The following DNAH5 variants were observed in gnomAD, a reference collection of about 807,000 sequenced individuals.
The protein encoded by DNAH5 is dynein axonemal heavy chain 5.
DNAH5 carries 372 observed loss-of-function variants against 518.2 expected under a neutral mutation model. The observed-to-expected ratio is 0.72, with a 90% CI of 0.66 to 0.78. The LOEUF is 0.78. DNAH5 is among the 30% of genes least tolerant of loss of function. DNAH5 has a pLI of 0.00. For missense variants in DNAH5, 5,523 were observed against 5,687.0 expected (o/e 0.97, Z 0.93); for synonymous variants, 2,039 against 2,025.9 (o/e 1.01, Z -0.17).
At chr5:13,801,582 C>T (rs900703160) in intron 47 of DNAH5, among the ~76,000 whole-genome samples, 4 of 152,200 alleles carry the variant, frequency 2.6e-5, no homozygotes, top group African/African-American at 7.2e-5. Flanking sequence ...TCCAGCCCAA[C>T]CTCCCTCCTG....
At chr5:13,807,021 A>C (rs1172841909) in intron 47 of DNAH5, among the ~76,000 whole-genome samples, 2 of 152,214 alleles carry the variant, frequency 1.3e-5, no homozygotes, top group African/African-American at 4.8e-5. Context: ...AGAGAATTCA[A>C]CTTGAACCAA....
rs546978080 is a variant in DNAH5, at chr5:13,707,070, C to A, written c.13338+1053G>T. Among the ~76,000 whole-genome samples the A allele has an allele frequency of 6.6e-6, 1 of 152,202 alleles. No homozygotes were observed. Among genetic ancestry groups the A allele is most frequent in the African/African-American group, 2.4e-5 (1 of 41,446 alleles). On this transcript the variant is annotated intron_variant, in intron 76 of 78. Coordinates refer to ENST00000265104, the MANE Select transcript of DNAH5 (RefSeq NM_001369.3). The surrounding 1 kb of genome is among the most constrained non-coding windows in gnomAD (Gnocchi z 4.0). The stretch of plus-strand genomic sequence containing the variant: ...CCCAAGGGACCATAGCGGGCACACA[C>A]ACAAGTGGCTGGATGTTGAGAGGAG...
In DNAH5 at chr5:13,717,450, G is replaced by T; in HGVS notation, c.12570C>A (p.Phe4190Leu). The T allele has an allele frequency of 6.2e-7, 1 of 1,614,184 alleles. No homozygotes were observed. Among genetic ancestry groups the T allele is most frequent in the Non-Finnish European group, 8.5e-7 (1 of 1,180,020 alleles). The change falls in exon 73 of 79, where the codon TTC becomes TTA. Residue 4190 changes from phenylalanine to leucine, a missense_variant. Transcript: ENST00000265104. Reference sequence around the variant, plus strand: ...GCCTCTCCTGGACAGTGGAGTGCAGGAAAGCCACTGCGTACAGCATGGGCT... The same window carrying T: ...GCCTCTCCTGGACAGTGGAGTGCAGTAAAGCCACTGCGTACAGCATGGGCT... ...QWKPMLYAVA[F>L]LHSTVQERRK...
At chr5:13,840,228 C>A (rs994071780) in intron 34 of DNAH5, among the ~76,000 whole-genome samples, 9 of 152,144 alleles carry the variant, frequency 5.9e-5, no homozygotes, top group Admixed American at 1.3e-4. Flanking sequence ...TATATCAGGA[C>A]CAATCTTTCA....
chr5:13,764,870 A>G (rs899933461), intron 59 of DNAH5, among the ~76,000 whole-genome samples: 6 of 152,252 alleles, frequency 3.9e-5, no homozygotes, highest in Admixed American at 2.6e-4. Flanking sequence ...ACAGGCTTGT[A>G]AAAAATGATT....
At chr5:13,885,839 A>G (rs1025355503) in intron 18 of DNAH5, 125 bp downstream of exon 18, 2 of 892,984 alleles carry the variant, frequency 2.2e-6, no homozygotes, top group East Asian at 2.5e-5. Context: ...AGATTTATAC[A>G]TATCATTAGA....
intron 17 of DNAH5, among the ~76,000 whole-genome samples, chr5:13,890,530 C>G (rs975557949): frequency 6.6e-6 from 1 of 152,148 alleles, no homozygotes; most frequent in African/African-American, 2.4e-5. Flanking sequence ...CTGCCTCTCT[C>G]AGGATTCCCA....
intron 35 of DNAH5, among the ~76,000 whole-genome samples, chr5:13,835,487 TCCCA>T (rs1350871120): frequency 6.6e-6 from 1 of 152,094 alleles, no homozygotes; most frequent in Non-Finnish European, 1.5e-5. Flanking sequence ...ACAGGGCAAT[TCCCA>T]CCCTCTTCTC....
At chr5:13,985,172 G>C (rs937871794) in intron 1 of DNAH5, among the ~76,000 whole-genome samples, 1 of 150,648 alleles carries the variant, frequency 6.6e-6, no homozygotes, top group Non-Finnish European at 1.5e-5. Context: ...GCAAACTATC[G>C]CAAGGACAAA....
At position 13,958,020 on chromosome 5, in the gene DNAH5, C is replaced by T. The variant is rs369162891; in HGVS notation, c.13-26776G>A. 1.4e-4 allele frequency among the ~76,000 whole-genome samples: 21 copies of T among 151,852 alleles called. No individual in the cohort carries two copies. The East Asian group carries it at 3.5e-3, about 25-fold the overall frequency. On this transcript the variant is annotated intron_variant, in intron 1 of 78. Coordinates refer to the DNAH5 transcript ENST00000681290. Reference sequence around the variant, plus strand: ...TTTAGTTTAAAATGTATCATGTACACATTCTCATATTATTGAATATTCTTC... The same window carrying T: ...TTTAGTTTAAAATGTATCATGTACATATTCTCATATTATTGAATATTCTTC...
chr5:13,933,323 G>T (rs750608662), intron 1 of DNAH5, among the ~76,000 whole-genome samples: 34 of 152,180 alleles, frequency 2.2e-4, no homozygotes, highest in Non-Finnish European at 4.0e-4. Context: ...CCAGCAGGTG[G>T]TATGTGCATT....
intron 42 of DNAH5, 56 bp from the exon 43 acceptor site, chr5:13,814,902 A>G (rs1761251592): frequency 1.0e-5 from 16 of 1,549,202 alleles, no homozygotes; most frequent in Middle Eastern, 1.7e-4. Context: ...CAGTGCATGT[A>G]CACATAAGTT....
At chr5:13,984,335 T>C (rs1367395022) in intron 1 of DNAH5, among the ~76,000 whole-genome samples, 2 of 152,240 alleles carry the variant, frequency 1.3e-5, no homozygotes, top group Admixed American at 1.3e-4. Context: ...TGTCTGTCTG[T>C]TATTGGTGTA....
intron 11 of DNAH5, among the ~76,000 whole-genome samples, chr5:13,913,105 C>G (rs1776216159): frequency 6.6e-6 from 1 of 151,818 alleles, no homozygotes; most frequent in African/African-American, 2.4e-5. Context: ...GTGTCACTGT[C>G]CCCCAAAAAA....
chr5:13,788,648 T>C, intron 51 of DNAH5, 68 bp downstream of exon 51: 2 of 1,338,250 alleles, frequency 1.5e-6, no homozygotes, highest in South Asian at 1.2e-5. Flanking sequence ...AAACTGAATC[T>C]TCTGTCTTCA....
chr5:13,710,608 T>C (rs1010130353), intron 75 of DNAH5, among the ~76,000 whole-genome samples: 2 of 152,052 alleles, frequency 1.3e-5, no homozygotes, highest in African/African-American at 2.4e-5. Flanking sequence ...ATAAAATAGA[T>C]AGACCATTAG....
chr5:13,973,039 A>G (rs1011669240), intron 1 of DNAH5, among the ~76,000 whole-genome samples: 4 of 152,214 alleles, frequency 2.6e-5, no homozygotes, highest in African/African-American at 9.6e-5. Context: ...GCAGATGTGA[A>G]TAGATTAAGG....
intron 61 of DNAH5, among the ~76,000 whole-genome samples, chr5:13,757,626 G>A (rs142980302): frequency 6.6e-6 from 1 of 152,094 alleles, no homozygotes; most frequent in African/African-American, 2.4e-5. Context: ...TAGAATGGGA[G>A]AAAATTATTG....
chr5:13,820,456 T>C lies in DNAH5; in HGVS notation c.6731A>G (p.Lys2244Arg). 1 of 1,614,118 alleles carries C rather than the reference T, an allele frequency of 6.2e-7. No individual in the cohort carries two copies. The highest frequency in any genetic ancestry group is 8.5e-7 in the Non-Finnish European group (1 of 1,180,034). ...GLINHPPWKLKVIQLFETQRV... is the reference protein window; with the variant it reads ...GLINHPPWKLRVIQLFETQRV... ...CTGCGTTTCGAATAGCTGGATGACC[T>C]TCAGTTTCCAAGGAGGATGGTTGAT... Residue 2244 changes from lysine to arginine, a missense_variant, in exon 41 of 79, where the codon AAG (lysine) becomes AGG (arginine). Lys to Arg is a conservative substitution (Grantham distance 26). Coordinates refer to ENST00000265104, the MANE Select transcript of DNAH5 (RefSeq NM_001369.3).
Sources: allele counts gnomAD v4.1 joint callset (sites outside exome capture counted in the v4.1 genomes callset), GRCh38; gene constraint gnomAD v4.1.1; non-coding constraint Gnocchi (gnomAD v3.1); transcripts MANE v1.5; gene names NCBI Gene and HGNC (gene_info 2026-07-23, HGNC 2026-07-21).